The following GSK3B variants were observed in gnomAD, a reference collection of about 807,000 sequenced individuals.
GSK3B encodes the protein glycogen synthase kinase-3 beta.
GSK3B carries 15 observed loss-of-function variants against 56.4 expected under a neutral mutation model. The ratio of observed to expected loss-of-function variants is 0.27; its 90% confidence interval spans 0.18 to 0.41. GSK3B has a LOEUF of 0.41. Ranked by LOEUF, GSK3B falls within the 10% of genes least tolerant of loss-of-function variation. The pLI, the probability that GSK3B is intolerant of heterozygous loss-of-function variation, is 1.00. For synonymous variants in GSK3B, 181 were observed against 188.9 expected, an observed-to-expected ratio of 0.96 and a Z score of 0.34; for missense variants, 300 against 513.4, an observed-to-expected ratio of 0.58 and a Z score of 4.02.
At chr3:119,867,720 T>C (rs1020057776) in intron 8 of GSK3B, among the ~76,000 whole-genome samples, 1 of 152,188 alleles carries the variant, frequency 6.6e-6, no homozygotes, top group Non-Finnish European at 1.5e-5. Context: ...CTCACCAGTA[T>C]CTGTGAACTC....
chr3:119,958,252 T>A (rs114237485), intron 2 of GSK3B, among the ~76,000 whole-genome samples: 95 of 152,296 alleles, frequency 6.2e-4, no homozygotes, highest in Non-Finnish European at 1.1e-3. Context: ...TGTGGAACTG[T>A]GAACCAATTA....
At chr3:120,042,310 AATAG>A (rs2058070401) in intron 1 of GSK3B, among the ~76,000 whole-genome samples, 1 of 152,146 alleles carries the variant, frequency 6.6e-6, no homozygotes, top group Non-Finnish European at 1.5e-5. Context: ...TCAGAATAAA[AATAG>A]ATATTGACAG....
chr3:120,006,208 G>A (rs768321718), intron 1 of GSK3B, among the ~76,000 whole-genome samples: 14 of 152,162 alleles, frequency 9.2e-5, no homozygotes, highest in Non-Finnish European at 1.8e-4. Context: ...TCAACAAGAA[G>A]AGCTAACTAT....
At chr3:119,989,177 G>T (rs990606584) in intron 2 of GSK3B, among the ~76,000 whole-genome samples, 11 of 152,178 alleles carry the variant, frequency 7.2e-5, no homozygotes, top group African/African-American at 2.4e-4. Context: ...ATAACTGAGG[G>T]TGCCCAGAAT....
At chr3:119,891,773 G>A (rs1344838488) in intron 7 of GSK3B, among the ~76,000 whole-genome samples, 1 of 151,986 alleles carries the variant, frequency 6.6e-6, no homozygotes, top group Admixed American at 6.6e-5. Flanking sequence ...AAAAGAGGGG[G>A]GAATTTTAAA....
At chr3:119,904,908 A>T (rs1404515015) in intron 7 of GSK3B, among the ~76,000 whole-genome samples, 1 of 151,894 alleles carries the variant, frequency 6.6e-6, no homozygotes, top group Admixed American at 6.6e-5. Flanking sequence ...GCTTTGTCCA[A>T]ACTGAAACCT....
intron 3 of GSK3B, among the ~76,000 whole-genome samples, chr3:119,937,367 G>A (rs2107481283): frequency 6.6e-6 from 1 of 152,164 alleles, no homozygotes; most frequent in Admixed American, 6.5e-5. Flanking sequence ...AAAAGAGCCT[G>A]ACACCTCTCT....
chr3:119,945,635 T>C (rs1324350381), intron 3 of GSK3B, among the ~76,000 whole-genome samples: 3 of 152,226 alleles, frequency 2.0e-5, no homozygotes, highest in Non-Finnish European at 4.4e-5. Flanking sequence ...TGATAGTCTT[T>C]CTTTTCTGCT....
intron 1 of GSK3B, among the ~76,000 whole-genome samples, chr3:120,052,118 G>C (rs925365093): frequency 3.9e-5 from 6 of 152,176 alleles, no homozygotes; most frequent in Non-Finnish European, 8.8e-5. Context: ...GTTCAATAAA[G>C]AGGGCTACCC....
intron 3 of GSK3B, among the ~76,000 whole-genome samples, chr3:119,944,565 A>ATT (rs2057081781): frequency 6.6e-6 from 1 of 152,048 alleles, no homozygotes; most frequent in African/African-American, 2.4e-5. Flanking sequence ...CAAACCGCTG[A>ATT]TTTTTCACTG....
chr3:119,825,917 T>C lies in GSK3B; in HGVS notation c.*871A>G, dbSNP rs148679423. Reference sequence around the variant, plus strand: ...CCCCTTCCTCTGGGCTCATCAGCCTTTGACCTCAGCAGCTAGCTCAGCCTG... The same window carrying C: ...CCCCTTCCTCTGGGCTCATCAGCCTCTGACCTCAGCAGCTAGCTCAGCCTG... On this transcript the variant is annotated 3_prime_UTR_variant, in exon 11 of 11. Transcript: ENST00000264235. The C allele has an allele frequency of 1.2e-4, 26 of 215,662 alleles. No homozygotes were observed. Among genetic ancestry groups the C allele is most frequent in the Middle Eastern group, 1.5e-3 (1 of 682 alleles). 13.4% of individuals were successfully genotyped at this position (215,662 alleles called of 1,614,324 possible).
intron 1 of GSK3B, among the ~76,000 whole-genome samples, chr3:120,018,177 TAAATCAGGGAG>T (rs1452110238): frequency 6.6e-6 from 1 of 152,176 alleles, no homozygotes; most frequent in African/African-American, 2.4e-5. Context: ...GAACCAGTAC[TAAATCAGGGAG>T]AAGGGAACTG....
At chr3:120,030,583 C>T (rs964673647) in intron 1 of GSK3B, among the ~76,000 whole-genome samples, 4 of 152,168 alleles carry the variant, frequency 2.6e-5, no homozygotes, top group Admixed American at 2.6e-4. Flanking sequence ...ATACACAAAG[C>T]ATTTTGCCAC....
At chr3:119,874,019 A>G (rs1164791490) in intron 8 of GSK3B, among the ~76,000 whole-genome samples, 4 of 152,216 alleles carry the variant, frequency 2.6e-5, no homozygotes, top group Admixed American at 6.5e-5. Context: ...AAGCATTAGT[A>G]TAAGATATAA....
At chr3:119,853,712 GCTCT>G (rs947252875) in intron 9 of GSK3B, among the ~76,000 whole-genome samples, 5 of 152,088 alleles carry the variant, frequency 3.3e-5, no homozygotes, top group Non-Finnish European at 5.9e-5. Context: ...TCATCATTTG[GCTCT>G]CTGTTTGTCT....
chr3:119,956,936 G>A (rs1161307215), intron 2 of GSK3B, among the ~76,000 whole-genome samples: 1 of 152,194 alleles, frequency 6.6e-6, no homozygotes, highest in East Asian at 1.9e-4. Flanking sequence ...AAAGCAGTCA[G>A]ACAATATTTA....
At chr3:119,993,297 C>T (rs550250958) in intron 2 of GSK3B, among the ~76,000 whole-genome samples, 1 of 152,050 alleles carries the variant, frequency 6.6e-6, no homozygotes, top group Admixed American at 6.5e-5. Context: ...AGATTTCTGA[C>T]TTTTGGAACC....
intron 1 of GSK3B, among the ~76,000 whole-genome samples, chr3:120,076,993 CA>C (rs1559903227): frequency 6.6e-6 from 1 of 151,184 alleles, no homozygotes; most frequent in Non-Finnish European, 1.5e-5. Flanking sequence ...TATCTATTAT[CA>C]AAAAAATAAA....
chr3:120,051,409 C>A (rs932041628), intron 1 of GSK3B, among the ~76,000 whole-genome samples: 2 of 152,076 alleles, frequency 1.3e-5, no homozygotes, highest in African/African-American at 4.8e-5. Flanking sequence ...CACAGCCACT[C>A]AGTAGACTGG....
Sources: allele counts gnomAD v4.1 joint callset (sites outside exome capture counted in the v4.1 genomes callset), GRCh38; gene constraint gnomAD v4.1.1; transcripts MANE v1.5; gene names NCBI Gene and HGNC (gene_info 2026-07-23, HGNC 2026-07-21).